ANK3: variants seen among roughly 807,000 people sequenced by gnomAD.
ANK3 encodes ankyrin-3.
Under a neutral mutation model 370.9 loss-of-function variants are expected in ANK3, and 57 were observed. The ratio of observed to expected loss-of-function variants is 0.15; its 90% CI spans 0.12 to 0.19. The LOEUF (loss-of-function observed/expected upper bound fraction) is 0.19, where lower values mean the gene tolerates loss of function less well. Ranked by LOEUF, ANK3 falls within the 10% of genes least tolerant of loss-of-function variation. ANK3 has a pLI of 1.00. For missense variants in ANK3, 4,439 were observed against 5,302.1 expected (o/e 0.84, Z 5.06); for synonymous variants, 1,929 against 1,946.3 (o/e 0.99, Z 0.23).
chr10:60,696,319 A>G (rs1214073928), intron 1 of ANK3, among the ~76,000 whole-genome samples: 2 of 149,250 alleles, frequency 1.3e-5, no homozygotes, highest in Non-Finnish European at 3.0e-5. Context: ...ATTCTACCAG[A>G]GGTACAAGGA....
rs141338806 is a variant in ANK3 at position 60,515,657 on chromosome 10, C to A, written c.96+99529G>T. Reference sequence around the variant, plus strand: ...AGAGCCACCATCATCTCCTTCAACACCAAGTTCCATCCTTGCTCGAGTGCC... The same window carrying A: ...AGAGCCACCATCATCTCCTTCAACAACAAGTTCCATCCTTGCTCGAGTGCC... On this transcript the variant is annotated intron_variant, in intron 2 of 43. Transcript: ENST00000373827. Among the ~76,000 whole-genome samples the A allele has an allele frequency of 5.6e-3, 852 of 152,222 alleles. 8 individuals carry two copies. Among genetic ancestry groups the A allele is most frequent in the African/African-American group, 0.019 (804 of 41,536 alleles).
intron 1 of ANK3, among the ~76,000 whole-genome samples, chr10:60,356,313 T>C (rs2057735421): frequency 6.6e-6 from 1 of 152,202 alleles, no homozygotes; most frequent in South Asian, 2.1e-4. Flanking sequence ...GAGAACTGCC[T>C]CTGTGCATGT....
intron 38 of ANK3, among the ~76,000 whole-genome samples, chr10:60,066,561 T>C (rs992367246): frequency 4.6e-5 from 7 of 151,702 alleles, no homozygotes; most frequent in African/African-American, 1.2e-4. Context: ...AGAGACTAGG[T>C]TGATGAAGAG....
intron 1 of ANK3, among the ~76,000 whole-genome samples, chr10:60,362,525 C>T (rs1478990463): frequency 6.6e-6 from 1 of 152,210 alleles, no homozygotes; most frequent in Non-Finnish European, 1.5e-5. Flanking sequence ...GAGAATACTT[C>T]TATCGCACGT....
At chr10:60,705,097 A>T (rs1225077822) in intron 1 of ANK3, among the ~76,000 whole-genome samples, 1 of 152,202 alleles carries the variant, frequency 6.6e-6, no homozygotes, top group Non-Finnish European at 1.5e-5. Context: ...TTTGACAGAT[A>T]TTATCTCTAA....
intron 25 of ANK3, among the ~76,000 whole-genome samples, chr10:60,132,751 A>G (rs1209209773): frequency 2.0e-5 from 3 of 151,744 alleles, no homozygotes; most frequent in Non-Finnish European, 4.4e-5. Context: ...CGAGTAGCTG[A>G]GATTACAGAT....
intron 8 of ANK3, among the ~76,000 whole-genome samples, chr10:60,217,753 G>A (rs974416190): frequency 6.6e-6 from 1 of 152,260 alleles, no homozygotes. Flanking sequence ...AGAAAGTTCT[G>A]TAGACGTCTA....
upstream of ANK3, among the ~76,000 whole-genome samples, chr10:60,394,398 G>T (rs1158746957): frequency 2.0e-5 from 3 of 151,956 alleles, no homozygotes; most frequent in Admixed American, 2.0e-4. Context: ...CCCCTTGTAG[G>T]GGGTGGCACC....
In ANK3 at chr10:60,074,194, G is replaced by T. The variant is rs775205491; in HGVS notation, c.6687C>A (p.Asp2229Glu). 2 of 1,614,068 alleles carry T rather than the reference G, an allele frequency of 1.2e-6. No individual in the cohort carries two copies. The highest frequency in any genetic ancestry group is 1.7e-6 in the Non-Finnish European group (2 of 1,179,990). Residue 2229 changes from aspartate (D) to glutamate (E), a missense_variant, in exon 37 of 44, where the codon GAC (aspartate) becomes GAA (glutamate). Around this residue, in one of 13 missense-constraint regions of ANK3, gnomAD observed 1,601 missense variants for 1,731.7 expected, o/e 0.92. Coordinates refer to ENST00000280772, the MANE Select transcript of ANK3 (RefSeq NM_020987.5). ...TGCCTTTGCTTAAAACCCGATTGTG[G>T]TCATCTTCTTCACTACTGGCTTTCA... is the stretch of plus-strand genomic sequence containing the variant. Reference protein sequence around the residue: ...FQMKASSEEDDHNRVLSKGMR... With the variant: ...FQMKASSEEDEHNRVLSKGMR...
chr10:60,235,407 T>C (rs1382395032), intron 7 of ANK3, among the ~76,000 whole-genome samples: 1 of 152,208 alleles, frequency 6.6e-6, no homozygotes, highest in African/African-American at 2.4e-5. Context: ...TAGGATTATC[T>C]GAAATTCTAA....
At chr10:60,154,881 G>GTTC (rs10627843) in intron 23 of ANK3, among the ~76,000 whole-genome samples, 113,513 of 151,826 alleles carry the variant, frequency 0.75, 43,103 homozygotes, top group African/African-American at 0.87. Context: ...CTGGCTTTTA[G>GTTC]TTAAAATCTA....
At chr10:60,701,478 C>G (rs772426839) in intron 1 of ANK3, among the ~76,000 whole-genome samples, 2 of 152,002 alleles carry the variant, frequency 1.3e-5, no homozygotes, top group Non-Finnish European at 1.5e-5. Context: ...CAATTCACAG[C>G]AGGACTATTT....
intron 23 of ANK3, 74 bp downstream of exon 23, chr10:60,166,517 A>C (rs1207943009): frequency 8.7e-7 from 1 of 1,149,108 alleles, no homozygotes; most frequent in African/African-American, 1.6e-5. Flanking sequence ...AGGAAATATT[A>C]TATTTCAAAG....
At chr10:60,686,776 G>A (rs545864910) in intron 1 of ANK3, among the ~76,000 whole-genome samples, 1 of 152,154 alleles carries the variant, frequency 6.6e-6, no homozygotes, top group African/African-American at 2.4e-5. Flanking sequence ...TGTTAATTAT[G>A]TTACAGATGT....
In ANK3 at chr10:60,696,113, A is replaced by G. The variant is rs541872411; in HGVS notation, c.57+37150T>C. Among the ~76,000 whole-genome samples, 388 of 150,780 alleles carry G rather than the reference A, an allele frequency of 2.6e-3. 15 individuals carry two copies. The East Asian group carries it at 0.066, about 25-fold the overall frequency. ...AAAATACAAACTACCATCAGAGAAT[A>G]CTACAAACACCTCTATGCAAATAAA... On this transcript the variant is annotated intron_variant, in intron 1 of 43. Transcript: ENST00000373827.
At chr10:60,582,092 A>C (rs1406064542) in intron 2 of ANK3, among the ~76,000 whole-genome samples, 4 of 152,092 alleles carry the variant, frequency 2.6e-5, no homozygotes, top group African/African-American at 9.6e-5. Flanking sequence ...GGACACAGGG[A>C]GGGGAACATC....
chr10:60,052,285 G>A (rs562419899), intron 42 of ANK3, among the ~76,000 whole-genome samples: 11 of 152,144 alleles, frequency 7.2e-5, no homozygotes, highest in East Asian at 5.8e-4. Flanking sequence ...CTGAAATCGC[G>A]CCACTGCACT....
chr10:60,711,425 A>T (rs990072377), intron 1 of ANK3, among the ~76,000 whole-genome samples: 1 of 151,970 alleles, frequency 6.6e-6, no homozygotes, highest in African/African-American at 2.4e-5. Context: ...ACTGTAACAG[A>T]TATGAAGAAT....
chr10:60,266,467 T>G (rs1257635837), intron 5 of ANK3, among the ~76,000 whole-genome samples: 1 of 152,138 alleles, frequency 6.6e-6, no homozygotes, highest in Non-Finnish European at 1.5e-5. Context: ...TGAGATTTAA[T>G]TTTGCATCTC....
Sources: gnomAD v4.1 joint callset for allele counts (sites outside exome capture counted in the v4.1 genomes callset) on GRCh38, gnomAD v4.1.1 for gene constraint, gnomAD v4.1.1 regional missense constraint, MANE v1.5 for transcripts, NCBI Gene and HGNC (gene_info 2026-07-23, HGNC 2026-07-21) for gene names.